SUPT3H: variants seen among roughly 807,000 people sequenced by gnomAD.
SUPT3H encodes the protein transcription initiation protein SPT3 homolog.
SUPT3H carries 44 observed loss-of-function variants against 44.3 expected under a neutral mutation model. The observed-to-expected ratio is 0.99, with a 90% CI of 0.78 to 1.28. The LOEUF (loss-of-function observed/expected upper bound fraction) is 1.28. Ranked by LOEUF, SUPT3H falls within the 50% of genes most tolerant of loss-of-function variation. The probability of loss-of-function intolerance (pLI) is 0.00; values close to 1 mark genes in which losing one functional copy is unlikely to be tolerated. For missense variants in SUPT3H, 380 were observed against 387.1 expected (o/e 0.98, Z 0.15); for synonymous variants, 124 against 125.6 (o/e 0.99, Z 0.09).
intron 10 of SUPT3H, among the ~76,000 whole-genome samples, chr6:44,848,198 A>C (rs1772238743): frequency 6.6e-6 from 1 of 150,592 alleles, no homozygotes. Flanking sequence ...TCGAACTCCT[A>C]TCCTCAAGTG....
intron 2 of SUPT3H, among the ~76,000 whole-genome samples, chr6:45,271,758 C>T (rs1776206832): frequency 6.6e-6 from 1 of 152,134 alleles, no homozygotes; most frequent in African/African-American, 2.4e-5. Flanking sequence ...TGCATGGACA[C>T]CTTGCATTGT....
chr6:45,158,241 T>C (rs1343988082), intron 2 of SUPT3H, among the ~76,000 whole-genome samples: 1 of 135,124 alleles, frequency 7.4e-6, no homozygotes, highest in East Asian at 2.1e-4. Flanking sequence ...GATAGATAGA[T>C]AGATAATGCC....
intron 2 of SUPT3H, among the ~76,000 whole-genome samples, chr6:45,359,136 G>C (rs1477350050): frequency 6.6e-6 from 1 of 152,036 alleles, no homozygotes; most frequent in African/African-American, 2.4e-5. Context: ...CTTCTCATGA[G>C]AGAATTGATA....
At chr6:45,136,561 TAAC>T (rs1181797802) in intron 2 of SUPT3H, among the ~76,000 whole-genome samples, 1 of 150,374 alleles carries the variant, frequency 6.7e-6, no homozygotes, top group African/African-American at 2.5e-5. Context: ...AAGGAAAGTA[TAAC>T]AACAATAATC....
At chr6:44,885,626 T>C (rs1241439398) in intron 10 of SUPT3H, among the ~76,000 whole-genome samples, 2 of 152,080 alleles carry the variant, frequency 1.3e-5, no homozygotes, top group Non-Finnish European at 2.9e-5. Context: ...ACATCACCAT[T>C]ATCAAAGACC....
intron 7 of SUPT3H, among the ~76,000 whole-genome samples, chr6:44,958,343 G>A (rs1160236155): frequency 6.6e-6 from 1 of 152,102 alleles, no homozygotes; most frequent in Non-Finnish European, 1.5e-5. Context: ...ACTATTCAGT[G>A]ATTTCTATCC....
chr6:45,285,638 G>A (rs1240362314), intron 2 of SUPT3H, among the ~76,000 whole-genome samples: 2 of 152,104 alleles, frequency 1.3e-5, no homozygotes, highest in African/African-American at 2.4e-5. Flanking sequence ...TGGGTAGGAA[G>A]AATTAATATC....
chr6:45,077,797 C>T (rs1029357012), intron 3 of SUPT3H, among the ~76,000 whole-genome samples: 4 of 151,938 alleles, frequency 2.6e-5, no homozygotes, highest in African/African-American at 9.7e-5. Flanking sequence ...AAATAGCCCA[C>T]ACCTCAACTT....
At chr6:45,281,108 G>C (rs1408422879) in intron 2 of SUPT3H, among the ~76,000 whole-genome samples, 2 of 152,120 alleles carry the variant, frequency 1.3e-5, no homozygotes, top group Non-Finnish European at 2.9e-5. Context: ...AAATTTATGA[G>C]GGGTGGAGAC....
rs182817956 is a variant in SUPT3H at position 45,108,447 on chromosome 6, G to A, written c.102-2441C>T. ...GCATGTGCATGTATCTTATATGTAT[G>A]TGTGTATCTCCTTTATAAAATCCTA... is the stretch of plus-strand genomic sequence containing the variant. On this transcript the variant is annotated intron_variant, in intron 2 of 10. Transcript: ENST00000371459. 1.2e-4 allele frequency among the ~76,000 whole-genome samples: 18 copies of A among 152,298 alleles called. No individual in the cohort carries two copies. In the East Asian group the frequency reaches 3.5e-3, roughly 29 times the overall value.
At chr6:45,293,152 G>C (rs567831147) in intron 2 of SUPT3H, among the ~76,000 whole-genome samples, 1 of 151,998 alleles carries the variant, frequency 6.6e-6, no homozygotes, top group Non-Finnish European at 1.5e-5. Flanking sequence ...AAACCACAGT[G>C]GGATAAAACT....
At position 45,342,387 on chromosome 6, in the gene SUPT3H, G is replaced by A. The variant is rs192546522; in HGVS notation, c.101+22814C>T. ...AGCGATTCTCCTGCCTCAGCCTCCC[G>A]AGTAGCTAGGACTACAGGTGCGCAC... On this transcript the variant is annotated intron_variant, in intron 2 of 10. Coordinates refer to ENST00000371459, the MANE Select transcript of SUPT3H (RefSeq NM_003599.4). Among the ~76,000 whole-genome samples the A allele has an allele frequency of 3.9e-5, 6 of 152,032 alleles. No homozygotes were observed. In the East Asian group the frequency reaches 5.8e-4, roughly 15 times the overall value.
At chr6:44,917,521 G>A (rs570860415) in intron 10 of SUPT3H, among the ~76,000 whole-genome samples, 13 of 152,280 alleles carry the variant, frequency 8.5e-5, no homozygotes, top group African/African-American at 2.9e-4. Context: ...CATATGCTGC[G>A]TCTCTGAACA....
chr6:45,358,952 T>C (rs1793745468), intron 2 of SUPT3H, among the ~76,000 whole-genome samples: 2 of 152,164 alleles, frequency 1.3e-5, no homozygotes, highest in Admixed American at 6.5e-5. Flanking sequence ...TTTAGGCTGA[T>C]GGGTCTGTGA....
At chr6:44,968,479 C>G (rs1777093087) in intron 6 of SUPT3H, among the ~76,000 whole-genome samples, 1 of 152,068 alleles carries the variant, frequency 6.6e-6, no homozygotes, top group Non-Finnish European at 1.5e-5. Flanking sequence ...CAGAGGCAAT[C>G]CAGTACCCCA....
chr6:45,162,905 A>C (rs1809254509), intron 2 of SUPT3H, among the ~76,000 whole-genome samples: 1 of 152,214 alleles, frequency 6.6e-6, no homozygotes, highest in East Asian at 1.9e-4. Flanking sequence ...TTGATCACTC[A>C]AGAAGTTAAA....
chr6:45,353,362 C>T (rs1475342332), intron 2 of SUPT3H, among the ~76,000 whole-genome samples: 3 of 151,764 alleles, frequency 2.0e-5, no homozygotes, highest in South Asian at 2.1e-4. Flanking sequence ...AAAAGTTATG[C>T]GGATGGACTT....
At chr6:45,307,190 G>A (rs1459536520) in intron 2 of SUPT3H, among the ~76,000 whole-genome samples, 5 of 152,222 alleles carry the variant, frequency 3.3e-5, no homozygotes, top group Admixed American at 3.3e-4. Flanking sequence ...CCACCTCTGG[G>A]GGCAGGGCAT....
intron 10 of SUPT3H, among the ~76,000 whole-genome samples, chr6:44,908,844 C>A (rs1485101246): frequency 6.6e-6 from 1 of 151,996 alleles, no homozygotes; most frequent in Non-Finnish European, 1.5e-5. Flanking sequence ...CTGGTTCAGC[C>A]TTACTCTGAG....
Sources: allele counts gnomAD v4.1 joint callset (sites outside exome capture counted in the v4.1 genomes callset), GRCh38; gene constraint gnomAD v4.1.1; transcripts MANE v1.5; gene names NCBI Gene and HGNC (gene_info 2026-07-23, HGNC 2026-07-21).